KCNC4: variants seen among roughly 807,000 people sequenced by gnomAD.
KCNC4 encodes the protein potassium voltage-gated channel subfamily C member 4, also known as voltage-gated potassium channel KCNC4.
A neutral mutation model predicts 42.8 loss-of-function variants in KCNC4; 23 were observed. That is an observed-to-expected ratio of 0.54 (90% CI 0.39 to 0.76). The LOEUF is 0.76. Ranked by LOEUF, KCNC4 falls within the 30% of genes least tolerant of loss-of-function variation. The probability of loss-of-function intolerance (pLI) is 0.00; values close to 1 mark genes in which losing one functional copy is unlikely to be tolerated. For synonymous variants in KCNC4, 422 were observed against 393.5 expected (o/e 1.07, Z -0.86); for missense variants, 751 against 898.2 (o/e 0.84, Z 2.10).
At chr1:110,232,142 G>T in intron 3 of KCNC4, 2 of 1,391,698 alleles carry the variant, frequency 1.4e-6, no homozygotes, top group Non-Finnish European at 1.0e-6. Context: ...CCAGGCTGAG[G>T]GTGGGATCCC....
exon 4 of KCNC4, chr1:110,247,752 C>T (rs1393725997): frequency 1.3e-5 from 2 of 151,778 alleles, no homozygotes; most frequent in Non-Finnish European, 2.9e-5. Context: ...ACGAGTTTCA[C>T]CATATTGGTC....
chr1:110,248,033 G>A (rs1188834558), exon 4 of KCNC4: 2 of 152,200 alleles, frequency 1.3e-5, no homozygotes, highest in African/African-American at 4.8e-5. Context: ...AGATCACAGA[G>A]ACCTATGTAG....
At chr1:110,215,060 G>A (rs1374017408) in intron 1 of KCNC4, among the ~76,000 whole-genome samples, 1 of 152,286 alleles carries the variant, frequency 6.6e-6, no homozygotes, top group Non-Finnish European at 1.5e-5. Flanking sequence ...TGGGCGAAGA[G>A]GGAGAGAGGA....
chr1:110,211,594 G>T lies in KCNC4; in HGVS notation c.95G>T (p.Gly32Val). The T allele has an allele frequency of 1.2e-6, 2 of 1,614,112 alleles. No homozygotes were observed. Among genetic ancestry groups the T allele is most frequent in the Middle Eastern group, 1.6e-4 (1 of 6,062 alleles). Reference protein sequence around the residue: ...KTCLKEEMAKGEASEKIIINV... With the variant: ...KTCLKEEMAKVEASEKIIINV... ...TGTCTGAAGGAGGAGATGGCCAAGG[G>T]CGAGGCGTCGGAGAAGATCATCATC... Residue 32 changes from glycine to valine, a missense_variant, in exon 1 of 4, where the codon GGC (glycine) becomes GTC (valine). Around this residue, in one of 4 missense-constraint regions of KCNC4, gnomAD observed 183 missense variants for 255.8 expected, o/e 0.72. Coordinates refer to ENST00000438661, the MANE Select transcript of KCNC4 (RefSeq NM_001039574.3). The surrounding 1 kb of genome is among the most constrained non-coding windows in gnomAD (Gnocchi z 6.5).
intron 1 of KCNC4, among the ~76,000 whole-genome samples, chr1:110,218,434 C>CT (rs1185438590): frequency 6.6e-6 from 1 of 152,162 alleles, no homozygotes; most frequent in East Asian, 1.9e-4. Context: ...TCATTAAGGC[C>CT]TTACCTGACC....
At chr1:110,221,362 G>A (rs1175074988) in intron 1 of KCNC4, 1 of 152,276 alleles carries the variant, frequency 6.6e-6, no homozygotes. Flanking sequence ...GATGAGGCGT[G>A]CCTCACAGGG....
At chr1:110,219,840 G>T in intron 1 of KCNC4, 1 of 152,358 alleles carries the variant, frequency 6.6e-6, no homozygotes, top group Non-Finnish European at 1.5e-5. Flanking sequence ...TCAGTTTGGG[G>T]AGCAACATAG....
Position 110,211,511 on chromosome 1 carries a change from G to C in KCNC4, c.12G>C (p.Ser4=), listed in dbSNP as rs980943199. 1.3e-4 allele frequency: 214 copies of C among 1,613,558 alleles called. No homozygotes were observed. The highest frequency in any genetic ancestry group is 8.0e-5 in the African/African-American group (6 of 74,930). ...CCGCAGCGCTTCTTATGATCAGCTCGGTGTGTGTCTCCTCCTACCGCGGGC... is the reference window on the plus strand; with the variant it reads ...CCGCAGCGCTTCTTATGATCAGCTCCGTGTGTGTCTCCTCCTACCGCGGGC... The part of the protein sequence containing the change: MIS[S]VCVSSYRGRK... The change falls in exon 1 of 4, where the codon TCG becomes TCC. Residue 4 remains serine, a synonymous_variant. Coordinates refer to ENST00000438661, the MANE Select transcript of KCNC4 (RefSeq NM_001039574.3). This position sits in a 1 kb window ranked among gnomAD's most constrained non-coding sequence, Gnocchi z 6.5.
intron 1 of KCNC4, among the ~76,000 whole-genome samples, chr1:110,276,299 C>CA (rs3062031): frequency 0.024 from 2,374 of 98,752 alleles, 29 homozygotes; most frequent in Middle Eastern, 0.055. Context: ...TCAATTTATA[C>CA]AAAAAAAAAA....
At chr1:110,283,559 C>T (rs1290317279), downstream of KCNC4, among the ~76,000 whole-genome samples, 2 of 152,118 alleles carry the variant, frequency 1.3e-5, no homozygotes, top group Admixed American at 1.3e-4. Flanking sequence ...ATTTGACTGC[C>T]CCTTTTCTGG....
chr1:110,257,908 G>C (rs4142052), intron 1 of KCNC4, among the ~76,000 whole-genome samples: 3 of 151,890 alleles, frequency 2.0e-5, no homozygotes, highest in Admixed American at 2.0e-4. Context: ...ATTTCAGGCA[G>C]GAAAAGTGAG....
chr1:110,283,862 C>T (rs563970900), downstream of KCNC4, among the ~76,000 whole-genome samples: 15 of 152,322 alleles, frequency 9.8e-5, no homozygotes, highest in South Asian at 3.1e-3. Context: ...AATCATAAGT[C>T]ATGCCCCCGG....
At chr1:110,254,684 A>G (rs1007327225) in intron 1 of KCNC4, among the ~76,000 whole-genome samples, 2 of 152,246 alleles carry the variant, frequency 1.3e-5, no homozygotes, top group African/African-American at 4.8e-5. Context: ...GACTGTCTGT[A>G]GATCCTGCCA....
In KCNC4 at chr1:110,223,686, G is replaced by A. The variant is rs1285006530; in HGVS notation, c.1401G>A (p.Pro467=). Residue 467 remains proline (P), a synonymous_variant, in exon 2 of 4, where the codon CCG becomes CCA. Transcript: ENST00000438661. This position sits in a 1 kb window ranked among gnomAD's most constrained non-coding sequence, Gnocchi z 7.5. ...ALAGVLTIAM[P]VPVIVNNFGM... The stretch of plus-strand genomic sequence containing the variant: ...CTGGCGTGCTCACCATCGCCATGCC[G>A]GTGCCTGTCATCGTCAACAACTTCG... 20 of 1,614,066 alleles carry A rather than the reference G, an allele frequency of 1.2e-5. No homozygotes were observed. Among genetic ancestry groups the A allele is most frequent in the African/African-American group, 4.0e-5 (3 of 75,026 alleles).
intron 3 of KCNC4, chr1:110,232,444 C>T (rs1382886485): frequency 6.8e-7 from 1 of 1,478,670 alleles, no homozygotes; most frequent in African/African-American, 1.4e-5. Context: ...CAGGCAACAG[C>T]TGGGGTGATG....
At chr1:110,239,861 A>T (rs1262771030) in exon 4 of KCNC4, 2 of 152,182 alleles carry the variant, frequency 1.3e-5, no homozygotes, top group Non-Finnish European at 2.9e-5. Flanking sequence ...ACTTTTTGGT[A>T]CTTGTCAAAT....
intron 1 of KCNC4, among the ~76,000 whole-genome samples, chr1:110,271,354 T>TG (rs2101086006): frequency 6.6e-6 from 1 of 152,080 alleles, no homozygotes; most frequent in African/African-American, 2.4e-5. Flanking sequence ...AAGCTTAGGG[T>TG]GGGGAAGGGA....
intron 1 of KCNC4, chr1:110,272,716 A>AGAAAAATG (rs1659656871): frequency 6.6e-6 from 1 of 151,346 alleles, no homozygotes; most frequent in African/African-American, 2.4e-5. Flanking sequence ...AGAGAAAAAG[A>AGAAAAATG]GGGGTTGGGG....
At chr1:110,219,470 C>T (rs979236452) in intron 1 of KCNC4, among the ~76,000 whole-genome samples, 7 of 152,162 alleles carry the variant, frequency 4.6e-5, no homozygotes, top group African/African-American at 1.7e-4. Flanking sequence ...TCCCGGAAGT[C>T]TAAACCCGGG....
Sources: allele counts gnomAD v4.1 joint callset (sites outside exome capture counted in the v4.1 genomes callset), GRCh38; gene constraint gnomAD v4.1.1; regional missense constraint gnomAD v4.1.1; non-coding constraint Gnocchi (gnomAD v3.1); transcripts MANE v1.5; gene names NCBI Gene and HGNC (gene_info 2026-07-23, HGNC 2026-07-21).